Variants in GNAZ observed in about 807,000 individuals in gnomAD.
GNAZ encodes guanine nucleotide-binding protein G(z) subunit alpha.
Under a neutral mutation model 25.4 loss-of-function variants are expected in GNAZ, and 3 were observed. The ratio of observed to expected loss-of-function variants is 0.12; its 90% CI spans 0.05 to 0.30. The LOEUF is 0.30. GNAZ is among the 10% of genes least tolerant of loss of function. The probability of loss-of-function intolerance (pLI) is 1.00; values close to 1 mark genes in which losing one functional copy is unlikely to be tolerated. For missense variants in GNAZ, 241 were observed against 501.8 expected, an observed-to-expected ratio of 0.48 and a Z score of 4.97; for synonymous variants, 211 against 205.7, an observed-to-expected ratio of 1.03 and a Z score of -0.22.
At chr22:23,084,413 A>T (rs1263205841) in intron 1 of GNAZ, among the ~76,000 whole-genome samples, 1 of 152,192 alleles carries the variant, frequency 6.6e-6, no homozygotes, top group African/African-American at 2.4e-5. Context: ...AGGCTAGGCT[A>T]AGCTGTGAGG....
rs1393201421 is a variant in GNAZ at position 23,071,005 on chromosome 22, A to T, written c.-450+435A>T. On this transcript the variant is annotated intron_variant, in intron 1 of 2. Coordinates refer to ENST00000615612, the MANE Select transcript of GNAZ (RefSeq NM_002073.4). The surrounding 1 kb of genome is among the most constrained non-coding windows in gnomAD (Gnocchi z 4.1). ...GATCAGGGAGGGGCGGCCGGAGCCG[A>T]TGCAGGGCCTTGCCTGAAACCGAGG... 6.6e-6 allele frequency among the ~76,000 whole-genome samples: 1 copy of T among 152,106 alleles called. No homozygotes were observed. The highest frequency in any genetic ancestry group is 1.5e-5 in the Non-Finnish European group (1 of 67,986).
chr22:23,121,890 TTTG>T (rs143092310), intron 2 of GNAZ, among the ~76,000 whole-genome samples: 4,819 of 151,778 alleles, frequency 0.032, 259 homozygotes, highest in African/African-American at 0.11. Flanking sequence ...CCCAGCTAAT[TTTG>T]TTGTTGTTGT....
At chr22:23,119,515 G>A (rs976360005) in intron 2 of GNAZ, among the ~76,000 whole-genome samples, 1 of 152,200 alleles carries the variant, frequency 6.6e-6, no homozygotes, top group African/African-American at 2.4e-5. Context: ...TCACTTGCTG[G>A]TCCATCAGCA....
intron 2 of GNAZ, among the ~76,000 whole-genome samples, chr22:23,100,569 T>C (rs978509295): frequency 2.6e-5 from 4 of 152,224 alleles, no homozygotes; most frequent in African/African-American, 9.6e-5. Flanking sequence ...AGTGGTCCCT[T>C]GTCCTGGGGC....
At chr22:23,081,411 G>T (rs1250498035) in intron 1 of GNAZ, among the ~76,000 whole-genome samples, 1 of 152,158 alleles carries the variant, frequency 6.6e-6, no homozygotes, top group Non-Finnish European at 1.5e-5. Context: ...CATTTCTTAG[G>T]TCTTCCTGCT....
intron 2 of GNAZ, among the ~76,000 whole-genome samples, chr22:23,107,211 G>A (rs533919445): frequency 5.1e-4 from 77 of 152,280 alleles, no homozygotes; most frequent in South Asian, 2.3e-3. Context: ...GGGGGCCACC[G>A]GCAAGCAGAG....
chr22:23,121,757 C>T (rs1456834749), intron 2 of GNAZ, among the ~76,000 whole-genome samples: 7 of 144,174 alleles, frequency 4.9e-5, no homozygotes, highest in East Asian at 4.0e-4. Flanking sequence ...AGTCTCGCTG[C>T]GTCGCCCAGA....
At chr22:23,081,126 A>G (rs1162971528) in intron 1 of GNAZ, among the ~76,000 whole-genome samples, 1 of 152,222 alleles carries the variant, frequency 6.6e-6, no homozygotes, top group Admixed American at 6.5e-5. Flanking sequence ...AAGCCTCAGT[A>G]AAAGCCGTGG....
At chr22:23,073,193 AG>A (rs1033464382) in intron 1 of GNAZ, among the ~76,000 whole-genome samples, 4 of 152,208 alleles carry the variant, frequency 2.6e-5, no homozygotes, top group African/African-American at 4.8e-5. Context: ...GGCACACTGG[AG>A]GAGGCAGGTC....
At chr22:23,072,220 A>T (rs1455811051) in intron 1 of GNAZ, among the ~76,000 whole-genome samples, 1 of 152,176 alleles carries the variant, frequency 6.6e-6, no homozygotes, top group East Asian at 1.9e-4. Context: ...GATGATGCTT[A>T]GCTAGTGACT....
chr22:23,102,077 A>G (rs1163573033), intron 2 of GNAZ, among the ~76,000 whole-genome samples: 1 of 152,084 alleles, frequency 6.6e-6, no homozygotes, highest in Admixed American at 6.5e-5. Flanking sequence ...CCCCACCAAC[A>G]CTTGTGAACA....
Position 23,071,273 on chromosome 22 carries a change from C to G in GNAZ, c.-450+703C>G, listed in dbSNP as rs1246339904. ...GGCGCTCCGTATCCTGCGGGCGATCCGAGGGGGCTCTGCCTTTAGGGCGGT... is the reference window on the plus strand; with the variant it reads ...GGCGCTCCGTATCCTGCGGGCGATCGGAGGGGGCTCTGCCTTTAGGGCGGT... On this transcript the variant is annotated intron_variant, in intron 1 of 2. Transcript: ENST00000615612. This position sits in a 1 kb window ranked among gnomAD's most constrained non-coding sequence, Gnocchi z 4.1. Among the ~76,000 whole-genome samples the G allele has an allele frequency of 6.6e-6, 1 of 152,072 alleles. No individual in the cohort carries two copies. Among genetic ancestry groups the G allele is most frequent in the Non-Finnish European group, 1.5e-5 (1 of 68,006 alleles).
chr22:23,087,358 C>T lies in GNAZ; in HGVS notation c.-449-7889C>T, dbSNP rs117265010. ...GCGCGTGCCTGCAGTCCCAGCTACT[C>T]GAGGCTCAGGTGGGAGGATCGCTTG... On this transcript the variant is annotated intron_variant, in intron 1 of 2. Coordinates refer to ENST00000615612, the MANE Select transcript of GNAZ (RefSeq NM_002073.4). Among the ~76,000 whole-genome samples, 1,126 of 152,168 alleles carry T rather than the reference C, an allele frequency of 7.4e-3. 7 individuals carry two copies. Among genetic ancestry groups the T allele is most frequent in the Non-Finnish European group, 0.011 (737 of 68,018 alleles).
intron 1 of GNAZ, among the ~76,000 whole-genome samples, chr22:23,091,425 A>G (rs549903848): frequency 3.3e-5 from 5 of 150,280 alleles, no homozygotes; most frequent in African/African-American, 2.5e-5. Context: ...CACACGCACC[A>G]CAATGGATTT....
intron 1 of GNAZ, among the ~76,000 whole-genome samples, chr22:23,091,143 C>T (rs2068960071): frequency 6.6e-6 from 1 of 152,202 alleles, no homozygotes; most frequent in African/African-American, 2.4e-5. Flanking sequence ...GAGGCATGGA[C>T]CTGTGCATGC....
chr22:23,106,160 C>G (rs1368827235), intron 2 of GNAZ, among the ~76,000 whole-genome samples: 1 of 152,242 alleles, frequency 6.6e-6, no homozygotes, highest in Non-Finnish European at 1.5e-5. Context: ...GCAACTTTGA[C>G]CAACACCCTT....
At position 23,123,270 on chromosome 22, in the gene GNAZ, T is replaced by C; in HGVS notation, c.907T>C (p.Tyr303His). ...GQNTYEEAAV[Y>H]IQRQFEDLNR... is the part of the protein sequence containing the mutation. ...GAACACGTACGAGGAGGCCGCTGTC[T>C]ACATCCAGCGGCAGTTTGAAGACCT... Residue 303 changes from tyrosine (Y) to histidine (H), a missense_variant, in exon 3 of 3, where the codon TAC becomes CAC. Coordinates refer to ENST00000615612, the MANE Select transcript of GNAZ (RefSeq NM_002073.4). 6.2e-7 allele frequency: 1 copy of C among 1,614,082 alleles called. No individual in the cohort carries two copies. Among genetic ancestry groups the C allele is most frequent in the Non-Finnish European group, 8.5e-7 (1 of 1,180,006 alleles).
intron 2 of GNAZ, among the ~76,000 whole-genome samples, chr22:23,118,757 G>C (rs1192608497): frequency 6.6e-6 from 1 of 152,168 alleles, no homozygotes. Context: ...CATGGGGCAG[G>C]GCCACATGAC....
chr22:23,116,409 T>C (rs914624298), intron 2 of GNAZ, among the ~76,000 whole-genome samples: 8 of 152,218 alleles, frequency 5.3e-5, no homozygotes, highest in Non-Finnish European at 2.9e-5. Context: ...CCTGAGGACA[T>C]TTGCAGTGCA....
Sources: allele counts gnomAD v4.1 joint callset (sites outside exome capture counted in the v4.1 genomes callset), GRCh38; gene constraint gnomAD v4.1.1; non-coding constraint Gnocchi (gnomAD v3.1); transcripts MANE v1.5; gene names NCBI Gene and HGNC (gene_info 2026-07-23, HGNC 2026-07-21).